Variants in NEBL observed in about 807,000 individuals in gnomAD.
NEBL encodes nebulette.
NEBL carries 122 observed loss-of-function variants against 140.2 expected under a neutral mutation model. The observed-to-expected ratio is 0.87, with a 90% CI of 0.75 to 1.01. The LOEUF is 1.01. Among genes scored for constraint, NEBL ranks in the 50% least tolerant of loss-of-function variants. The pLI is 0.00. For missense variants in NEBL, 1,365 were observed against 1,231.3 expected (o/e 1.11, Z -1.62); for synonymous variants, 436 against 398.9 (o/e 1.09, Z -1.11).
intron 2 of NEBL, among the ~76,000 whole-genome samples, chr10:21,159,404 G>A (rs1255708196): frequency 6.6e-6 from 1 of 152,120 alleles, no homozygotes; most frequent in Non-Finnish European, 1.5e-5. Context: ...TTTCTTAAAA[G>A]GCTAGGTGTG....
chr10:20,995,369 T>A (rs1013309950), intron 3 of NEBL, among the ~76,000 whole-genome samples: 5 of 152,200 alleles, frequency 3.3e-5, no homozygotes, highest in African/African-American at 1.2e-4. Flanking sequence ...TGAAGGCGGC[T>A]GCTTGGTCAC....
At chr10:21,227,115 G>C (rs534104473) in intron 3 of NEBL, among the ~76,000 whole-genome samples, 3 of 152,050 alleles carry the variant, frequency 2.0e-5, no homozygotes, top group East Asian at 3.9e-4. Flanking sequence ...GTGATGGCTA[G>C]ATTTAAGCTT....
intron 1 of NEBL, among the ~76,000 whole-genome samples, chr10:21,272,970 CCTT>C (rs1842876978): frequency 6.6e-6 from 1 of 152,122 alleles, no homozygotes; most frequent in South Asian, 2.1e-4. Context: ...AGACAAGGCT[CCTT>C]CTTACTCTGC....
At chr10:20,786,522 G>C (rs1835421702) in intron 27 of NEBL, among the ~76,000 whole-genome samples, 2 of 152,076 alleles carry the variant, frequency 1.3e-5, no homozygotes, top group South Asian at 4.2e-4. Context: ...TTTGTTTAAG[G>C]CTAAGCATTT....
intron 2 of NEBL, among the ~76,000 whole-genome samples, chr10:21,167,751 T>C (rs1370685272): frequency 2.0e-5 from 3 of 152,266 alleles, no homozygotes; most frequent in Non-Finnish European, 4.4e-5. Flanking sequence ...GCTTGGCATA[T>C]AAATTCACAT....
At chr10:21,094,685 C>T (rs1447223051) in intron 2 of NEBL, among the ~76,000 whole-genome samples, 1 of 152,018 alleles carries the variant, frequency 6.6e-6, no homozygotes, top group African/African-American at 2.4e-5. Flanking sequence ...ACAAAAAAGG[C>T]TAAAGAAGAC....
intron 2 of NEBL, among the ~76,000 whole-genome samples, chr10:21,061,074 AG>A (rs1835252689): frequency 6.6e-6 from 1 of 151,928 alleles, no homozygotes; most frequent in South Asian, 2.1e-4. Context: ...AACTAAATAG[AG>A]GTCATTAGGG....
chr10:20,977,703 A>C (rs1238230713), intron 3 of NEBL, among the ~76,000 whole-genome samples: 1 of 152,236 alleles, frequency 6.6e-6, no homozygotes, highest in African/African-American at 2.4e-5. Flanking sequence ...CAGTGGTGTT[A>C]GCTTGTTCCA....
At chr10:21,273,657 G>C (rs764568723) in intron 1 of NEBL, among the ~76,000 whole-genome samples, 47 of 152,308 alleles carry the variant, frequency 3.1e-4, no homozygotes, top group Non-Finnish European at 6.0e-4. Context: ...AAGACCGCCT[G>C]GCAGAGAGCA....
At chr10:21,048,758 G>A (rs1834633352) in intron 2 of NEBL, among the ~76,000 whole-genome samples, 3 of 152,184 alleles carry the variant, frequency 2.0e-5, no homozygotes, top group African/African-American at 4.8e-5. Flanking sequence ...AAATTTGGGA[G>A]GCTGAGGTGG....
chr10:21,227,711 TTTCTTCTTCTTCTTC>T (rs796306558), intron 3 of NEBL, among the ~76,000 whole-genome samples: 81 of 46,454 alleles, frequency 1.7e-3, no homozygotes, highest in South Asian at 7.1e-3. Context: ...CTTCTTCTTC[TTTCTTCTTCTTCTTC>T]TTCTTCTTCT....
chr10:20,889,917 C>A lies in NEBL; in HGVS notation c.186G>T (p.Lys62Asn), dbSNP rs949954652. Reference protein sequence around the residue: ...IRYKEEFKKSKDKCTFVTDSP... With the variant: ...IRYKEEFKKSNDKCTFVTDSP... ...TGTCAGTCACAAATGTACACTTATC[C>A]TTGGACTTTTTAAACTCTTCTTTAT... Residue 62 changes from lysine (K) to asparagine (N), a missense_variant, in exon 3 of 28, where the codon AAG becomes AAT. Physicochemically the swap from Lys to Asn is moderately conservative, Grantham distance 94 (BLOSUM62 0). Coordinates refer to ENST00000377122, the MANE Select transcript of NEBL (RefSeq NM_006393.3). 3.1e-6 allele frequency: 5 copies of A among 1,610,182 alleles called. No individual in the cohort carries two copies. Among genetic ancestry groups the A allele is most frequent in the Non-Finnish European group, 4.2e-6 (5 of 1,177,434 alleles).
rs143179922 is a variant in NEBL at position 20,786,901 on chromosome 10, A to G, written c.2868+301T>C. ...CATCAAATATCCATGCTCCTAAGGC[A>G]TGAGTAAAGAGCATAATCGGCTAGT... is the stretch of plus-strand genomic sequence containing the variant. On this transcript the variant is annotated intron_variant, in intron 27 of 27. Coordinates refer to ENST00000377122, the MANE Select transcript of NEBL (RefSeq NM_006393.3). Among the ~76,000 whole-genome samples, 370 of 152,326 alleles carry G rather than the reference A, an allele frequency of 2.4e-3. 4 individuals carry two copies. The highest frequency in any genetic ancestry group is 8.4e-3 in the African/African-American group (349 of 41,576).
intron 3 of NEBL, among the ~76,000 whole-genome samples, chr10:20,979,709 A>G (rs1022937589): frequency 6.6e-6 from 1 of 152,040 alleles, no homozygotes; most frequent in Non-Finnish European, 1.5e-5. Context: ...TAATTCATTT[A>G]TGTGTTTGTT....
intron 2 of NEBL, among the ~76,000 whole-genome samples, chr10:21,071,191 T>C (rs1748889719): frequency 6.7e-6 from 1 of 149,306 alleles, no homozygotes; most frequent in South Asian, 2.1e-4. Flanking sequence ...AATAATAATA[T>C]TTTATTTTTA....
At chr10:21,188,737 C>T (rs1159301453) in intron 3 of NEBL, among the ~76,000 whole-genome samples, 1 of 151,640 alleles carries the variant, frequency 6.6e-6, no homozygotes, top group East Asian at 1.9e-4. Flanking sequence ...GGTACAGGCC[C>T]CCACACCACA....
At chr10:21,186,475 G>C (rs7897134) in intron 3 of NEBL, among the ~76,000 whole-genome samples, 1,740 of 152,172 alleles carry the variant, frequency 0.011, 30 homozygotes, top group African/African-American at 0.04. Context: ...CAAAATCTGA[G>C]ATGCTCCAGT....
At chr10:20,810,215 T>C (rs906726765) in intron 24 of NEBL, among the ~76,000 whole-genome samples, 3 of 152,180 alleles carry the variant, frequency 2.0e-5, no homozygotes, top group African/African-American at 7.2e-5. Flanking sequence ...GGGGCAGCTA[T>C]ATGCATCCCC....
intron 4 of NEBL, among the ~76,000 whole-genome samples, chr10:20,943,933 A>C (rs1244387210): frequency 6.6e-6 from 1 of 152,186 alleles, no homozygotes; most frequent in African/African-American, 2.4e-5. Flanking sequence ...TATCCACTAA[A>C]ATGACCTATG....
Sources: allele counts gnomAD v4.1 joint callset (sites outside exome capture counted in the v4.1 genomes callset), GRCh38; gene constraint gnomAD v4.1.1; transcripts MANE v1.5; gene names NCBI Gene and HGNC (gene_info 2026-07-23, HGNC 2026-07-21).